The following CFAP47 variants were observed in gnomAD, a reference collection of about 807,000 sequenced individuals.
The protein encoded by CFAP47 is cilia- and flagella-associated protein 47.
CFAP47 carries 29 observed loss-of-function variants against 148.1 expected under a neutral mutation model. That is an observed-to-expected ratio of 0.20 (90% CI 0.15 to 0.27). The LOEUF is 0.27. CFAP47 is among the 10% of genes least tolerant of loss of function. The probability of loss-of-function intolerance (pLI) is 1.00; values close to 1 mark genes in which losing one functional copy is unlikely to be tolerated. For missense variants in CFAP47, 1,872 were observed against 1,697.5 expected (o/e 1.10, Z -1.81); for synonymous variants, 664 against 577.3 (o/e 1.15, Z -2.15).
chrX:35,972,123 G>T, intron 13 of CFAP47, among the ~76,000 whole-genome samples, 158 bp downstream of exon 13: 1 of 112,297 alleles, frequency 8.9e-6, no homozygotes, highest in Non-Finnish European at 1.9e-5. Flanking sequence ...GTATGACTGA[G>T]AGAATTAACT....
chrX:35,976,335 A>C (rs977816540), intron 15 of CFAP47, among the ~76,000 whole-genome samples: 1 of 111,383 alleles, frequency 9.0e-6, no homozygotes, highest in African/African-American at 3.3e-5. Context: ...CTGGGACATC[A>C]GTCTTTTCTG....
chrX:36,340,884 G>A (rs1298459409), intron 57 of CFAP47, among the ~76,000 whole-genome samples: 2 of 110,950 alleles, frequency 1.8e-5, no homozygotes, highest in African/African-American at 6.5e-5. Flanking sequence ...TCAATTTTAT[G>A]TTTGAAAATG....
intron 49 of CFAP47, among the ~76,000 whole-genome samples, chrX:36,262,458 A>G: frequency 8.9e-6 from 1 of 112,128 alleles, no homozygotes; most frequent in Middle Eastern, 4.6e-3. Flanking sequence ...ACAAATAAGA[A>G]AATGCAATGT....
chrX:36,034,407 C>CATACATATTTT (rs1937315597), intron 23 of CFAP47, among the ~76,000 whole-genome samples: 1 of 111,024 alleles, frequency 9.0e-6, no homozygotes, highest in East Asian at 2.8e-4. Flanking sequence ...ACTTCCCATA[C>CATACATATTTT]TCTATCCTTT....
At chrX:36,326,407 T>C (rs781814279) in intron 57 of CFAP47, among the ~76,000 whole-genome samples, 7 of 111,034 alleles carry the variant, frequency 6.3e-5, no homozygotes, top group Non-Finnish European at 7.5e-5. Context: ...AACTGGGTAA[T>C]AGGTAGAGAG....
Position 36,208,647 on chromosome X carries a change from A to T in CFAP47, c.6817+3537A>T, listed in dbSNP as rs1398689220. ...TCAAAATATAATTGAAAAATTGTGA[A>T]AAAATGAAACTAAACTAATCCTTAA... On this transcript the variant is annotated intron_variant, in intron 45 of 63. Coordinates refer to ENST00000378653, the MANE Select transcript of CFAP47 (RefSeq NM_001304548.2). Among the ~76,000 whole-genome samples the T allele has an allele frequency of 6.2e-5, 7 of 112,125 alleles. No individual in the cohort carries two copies. The Admixed American group carries it at 6.6e-4, about 11-fold the overall frequency.
chrX:36,317,433 G>A (rs1055781304), intron 56 of CFAP47, among the ~76,000 whole-genome samples: 6 of 108,737 alleles, frequency 5.5e-5, no homozygotes, highest in South Asian at 4.0e-4. Context: ...TTTTTGAGAC[G>A]GAGTCTCACT....
At chrX:36,338,468 A>T (rs1166932694) in intron 57 of CFAP47, among the ~76,000 whole-genome samples, 1 of 111,542 alleles carries the variant, frequency 9.0e-6, no homozygotes, top group Non-Finnish European at 1.9e-5. Flanking sequence ...ACATTGCCAG[A>T]TCTAATTATC....
intron 33 of CFAP47, among the ~76,000 whole-genome samples, chrX:36,127,510 T>C (rs1048761909): frequency 9.0e-6 from 1 of 111,572 alleles, no homozygotes; most frequent in African/African-American, 3.3e-5. Context: ...TGTAGTATAG[T>C]TTGAAGTCAG....
At chrX:36,148,364 G>T (rs1293507221) in intron 36 of CFAP47, among the ~76,000 whole-genome samples, 1 of 111,411 alleles carries the variant, frequency 9.0e-6, no homozygotes, top group Non-Finnish European at 1.9e-5. Flanking sequence ...GCTAAAATTG[G>T]GCTCTTGAGG....
intron 39 of CFAP47, among the ~76,000 whole-genome samples, chrX:36,165,207 C>T (rs1939476074): frequency 8.9e-6 from 1 of 111,830 alleles, no homozygotes; most frequent in Admixed American, 9.5e-5. Context: ...AATCAATTCA[C>T]AAATTTGTTA....
chrX:36,377,396 G>A (rs969645907), intron 62 of CFAP47, among the ~76,000 whole-genome samples: 24 of 112,156 alleles, frequency 2.1e-4, no homozygotes, highest in Non-Finnish European at 4.3e-4. Flanking sequence ...ATTTTTTCAT[G>A]TGTCTGTTGG....
At chrX:36,033,588 A>C (rs2146721072) in intron 23 of CFAP47, among the ~76,000 whole-genome samples, 1 of 111,593 alleles carries the variant, frequency 9.0e-6, no homozygotes, top group East Asian at 2.8e-4. Context: ...TGTTTTCTTT[A>C]GAATGTGTAA....
At chrX:36,348,992 T>G (rs1431564925) in intron 58 of CFAP47, among the ~76,000 whole-genome samples, 1 of 111,571 alleles carries the variant, frequency 9.0e-6, no homozygotes, top group African/African-American at 3.3e-5. Context: ...CATTCTACCA[T>G]GCATTTTCAC....
intron 27 of CFAP47, among the ~76,000 whole-genome samples, chrX:36,067,759 T>A (rs932760500): frequency 9.3e-6 from 1 of 107,642 alleles, no homozygotes; most frequent in Non-Finnish European, 1.9e-5. Flanking sequence ...GCCTCCCAAG[T>A]TCACGCCATT....
intron 15 of CFAP47, among the ~76,000 whole-genome samples, chrX:35,983,446 C>G (rs1029755458): frequency 7.2e-5 from 8 of 111,631 alleles, no homozygotes; most frequent in African/African-American, 2.6e-4. Flanking sequence ...TTATTTATTT[C>G]TCTTGCTTGA....
Position 36,046,866 on chromosome X carries a change from A to G in CFAP47, c.4020A>G (p.Leu1340=), listed in dbSNP as rs780485225. ...LPQNYFRNST[L]CVQIPTVRLL... Reference sequence around the variant, plus strand: ...TTATTTTAAACAGAAATTCAACTCTATGTGTCCAGATTCCCACAGTAAGGC... The same window carrying G: ...TTATTTTAAACAGAAATTCAACTCTGTGTGTCCAGATTCCCACAGTAAGGC... Residue 1340 remains leucine, a synonymous_variant, in exon 26 of 64, where the codon CTA becomes CTG. Coordinates refer to ENST00000378653, the MANE Select transcript of CFAP47 (RefSeq NM_001304548.2). The G allele has an allele frequency of 1.1e-4, 129 of 1,149,061 alleles. No individual in the cohort carries two copies. The Middle Eastern group carries it at 1.4e-3, about 13-fold the overall frequency. 94.7% of individuals were successfully genotyped at this position (1,149,061 alleles called of 1,213,427 possible).
chrX:35,971,048 A>G, intron 11 of CFAP47, 125 bp downstream of exon 11: 1 of 488,311 alleles, frequency 2.0e-6, no homozygotes, highest in Non-Finnish European at 3.4e-6. Context: ...ACGTGATAAA[A>G]GCAAAACACT....
chrX:35,945,726 C>T (rs1042618547), intron 3 of CFAP47, among the ~76,000 whole-genome samples: 13 of 111,307 alleles, frequency 1.2e-4, no homozygotes, highest in African/African-American at 4.2e-4. Flanking sequence ...TGCTGAATAA[C>T]TACATTAACC....
Sources: allele counts gnomAD v4.1 joint callset (sites outside exome capture counted in the v4.1 genomes callset), GRCh38; gene constraint gnomAD v4.1.1; transcripts MANE v1.5; gene names NCBI Gene and HGNC (gene_info 2026-07-23, HGNC 2026-07-21).